The following CHL1 variants were observed in gnomAD, a reference collection of about 807,000 sequenced individuals.
The protein encoded by CHL1 is neural cell adhesion molecule L1-like protein.
CHL1 carries 96 observed loss-of-function variants against 141.9 expected under a neutral mutation model. That is an observed-to-expected ratio of 0.68 (90% confidence interval 0.57 to 0.80). The LOEUF (loss-of-function observed/expected upper bound fraction) is 0.80. Among genes scored for constraint, CHL1 ranks in the 30% least tolerant of loss-of-function variants. The pLI is 0.00. For synonymous variants in CHL1, 613 were observed against 502.2 expected, an observed-to-expected ratio of 1.22 and a Z score of -2.95; for missense variants, 1,820 against 1,457.2, an observed-to-expected ratio of 1.25 and a Z score of -4.05.
chr3:264,380 GT>G (rs1051131247), intron 2 of CHL1, among the ~76,000 whole-genome samples: 4 of 151,942 alleles, frequency 2.6e-5, no homozygotes, highest in Non-Finnish European at 4.4e-5. Context: ...GGAGTATGTA[GT>G]TTTTTTTAAT....
intron 15 of CHL1, chr3:376,468 A>G: frequency 2.0e-6 from 1 of 501,334 alleles, no homozygotes; most frequent in Middle Eastern, 3.2e-4. Context: ...CTAGTGAGGC[A>G]CCCAACGTTG....
intron 2 of CHL1, among the ~76,000 whole-genome samples, chr3:285,490 T>A (rs913659145): frequency 5.9e-5 from 9 of 152,222 alleles, no homozygotes; most frequent in African/African-American, 2.2e-4. Flanking sequence ...GATAATCATT[T>A]CAGTTCTTTC....
Position 314,076 on chromosome 3 carries a change from T to C in CHL1, c.-94-5607T>C, listed in dbSNP as rs368351083. Among the ~76,000 whole-genome samples, 15 of 152,132 alleles carry C rather than the reference T, an allele frequency of 9.9e-5. No homozygotes were observed. In the South Asian group the frequency reaches 1.5e-3, roughly 15 times the overall value. On this transcript the variant is annotated intron_variant, in intron 2 of 27. Transcript: ENST00000256509. ...ACAGTATGGTAGCTTTAAGAAAGTC[T>C]TTTTTTCTGTTTGTTTTTTATTTTT...
chr3:204,077 C>G (rs890291536), intron 1 of CHL1, among the ~76,000 whole-genome samples: 1 of 152,186 alleles, frequency 6.6e-6, no homozygotes, highest in Non-Finnish European at 1.5e-5. Flanking sequence ...TGGGCATGCT[C>G]ATATTCAGTG....
At position 253,448 on chromosome 3, in the gene CHL1, G is replaced by T. The variant is rs538286596; in HGVS notation, c.-95+8756G>T. Among the ~76,000 whole-genome samples the T allele has an allele frequency of 2.6e-4, 39 of 152,212 alleles. No homozygotes were observed. In the South Asian group the frequency reaches 7.7e-3, roughly 30 times the overall value. On this transcript the variant is annotated intron_variant, in intron 2 of 27. Coordinates refer to ENST00000256509, the MANE Select transcript of CHL1 (RefSeq NM_006614.4). The stretch of plus-strand genomic sequence containing the variant: ...AGCAAGAAAGTCTCAGAGGTGTTTG[G>T]GTTTCTGGATCCAGGGGTCCCTGTA...
intron 10 of CHL1, among the ~76,000 whole-genome samples, chr3:350,609 G>A (rs200047284): frequency 4.3e-4 from 64 of 148,254 alleles, no homozygotes; most frequent in African/African-American, 1.3e-3. Flanking sequence ...TAAATTAATG[G>A]AAAAAAAAAA....
chr3:257,637 C>T (rs1306314254), intron 2 of CHL1, among the ~76,000 whole-genome samples: 1 of 152,112 alleles, frequency 6.6e-6, no homozygotes, highest in African/African-American at 2.4e-5. Context: ...CAAGTGTGAG[C>T]CACTGTGCCT....
At chr3:231,875 C>G (rs1559307116) in intron 1 of CHL1, among the ~76,000 whole-genome samples, 2 of 152,104 alleles carry the variant, frequency 1.3e-5, no homozygotes, top group Non-Finnish European at 2.9e-5. Flanking sequence ...CCACACCCAG[C>G]CTAGACCTTA....
At chr3:228,192 A>C (rs1055276451) in intron 1 of CHL1, among the ~76,000 whole-genome samples, 5 of 152,246 alleles carry the variant, frequency 3.3e-5, no homozygotes, top group Middle Eastern at 3.2e-3. Context: ...ATGTTTTTTA[A>C]GGACAATTTT....
intron 1 of CHL1, among the ~76,000 whole-genome samples, chr3:201,490 G>T (rs1051008782): frequency 1.3e-5 from 2 of 152,094 alleles, no homozygotes; most frequent in Non-Finnish European, 2.9e-5. Flanking sequence ...ATTATTAGAA[G>T]TGTGTGTGAG....
intron 1 of CHL1, among the ~76,000 whole-genome samples, chr3:237,955 T>G (rs13060510): frequency 1.3e-5 from 2 of 151,948 alleles, no homozygotes; most frequent in East Asian, 3.9e-4. Flanking sequence ...ATTGCCTATA[T>G]AAGGTTTTGC....
intron 2 of CHL1, among the ~76,000 whole-genome samples, chr3:307,078 A>G (rs1699302903): frequency 1.3e-5 from 2 of 152,174 alleles, no homozygotes; most frequent in Admixed American, 1.3e-4. Context: ...ACCGCAGATA[A>G]TAGTTTCTTC....
intron 2 of CHL1, among the ~76,000 whole-genome samples, chr3:285,154 C>G (rs73007545): frequency 6.6e-6 from 1 of 152,188 alleles, no homozygotes; most frequent in South Asian, 2.1e-4. Context: ...TCACCTTTCA[C>G]CTTTTATGCT....
At chr3:378,897 T>C (rs1208155612) in intron 16 of CHL1, among the ~76,000 whole-genome samples, 1 of 152,194 alleles carries the variant, frequency 6.6e-6, no homozygotes, top group Non-Finnish European at 1.5e-5. Flanking sequence ...TTAAAACATT[T>C]TGGAACTATC....
At chr3:392,564 G>T (rs1178070361) in intron 23 of CHL1, among the ~76,000 whole-genome samples, 1 of 152,046 alleles carries the variant, frequency 6.6e-6, no homozygotes, top group South Asian at 2.1e-4. Flanking sequence ...GGAAATTCGG[G>T]GATTGACATT....
chr3:292,620 G>A (rs977309478), intron 2 of CHL1, among the ~76,000 whole-genome samples: 3 of 152,142 alleles, frequency 2.0e-5, no homozygotes, highest in African/African-American at 4.8e-5. Flanking sequence ...AGGAATACCC[G>A]AGACTTAGTA....
chr3:374,466 C>T (rs761097511), intron 15 of CHL1, among the ~76,000 whole-genome samples: 1 of 152,124 alleles, frequency 6.6e-6, no homozygotes, highest in Non-Finnish European at 1.5e-5. Context: ...GAATCAGAGA[C>T]CCATGGCTGG....
At chr3:226,077 G>A (rs1049053744) in intron 1 of CHL1, among the ~76,000 whole-genome samples, 5 of 150,810 alleles carry the variant, frequency 3.3e-5, no homozygotes, top group African/African-American at 1.2e-4. Flanking sequence ...GAGAGAGTGC[G>A]GAGGCACGAT....
chr3:221,840 G>A (rs1023436036), intron 1 of CHL1, among the ~76,000 whole-genome samples: 1 of 152,156 alleles, frequency 6.6e-6, no homozygotes, highest in Admixed American at 6.5e-5. Context: ...TTGTGCCTTA[G>A]TACTTTATTG....
Sources: gnomAD v4.1 joint callset for allele counts (sites outside exome capture counted in the v4.1 genomes callset) on GRCh38, gnomAD v4.1.1 for gene constraint, MANE v1.5 for transcripts, NCBI Gene and HGNC (gene_info 2026-07-23, HGNC 2026-07-21) for gene names.